Variants in TANC2 observed in about 807,000 individuals in gnomAD.
The protein encoded by TANC2 is protein TANC2.
TANC2 carries 26 observed loss-of-function variants against 210.5 expected under a neutral mutation model. The observed-to-expected ratio is 0.12, with a 90% CI of 0.09 to 0.17. The LOEUF is 0.17. Ranked by LOEUF, TANC2 falls within the 10% of genes least tolerant of loss-of-function variation. The pLI is 1.00. For synonymous variants in TANC2, 931 were observed against 967.1 expected, an observed-to-expected ratio of 0.96 and a Z score of 0.69; for missense variants, 2,129 against 2,608.9, an observed-to-expected ratio of 0.82 and a Z score of 4.01.
intron 1 of TANC2, among the ~76,000 whole-genome samples, chr17:63,001,954 T>G (rs1461615924): frequency 6.6e-6 from 1 of 152,234 alleles, no homozygotes. Flanking sequence ...GTATCAAGTA[T>G]TATTTTCCAT....
At chr17:63,355,068 C>G in exon 14 of TANC2, 1 of 1,613,898 alleles carries the variant, frequency 6.2e-7, no homozygotes. Flanking sequence ...CAAAGTAGTT[C>G]CTGTTTCGCT....
At chr17:63,203,503 T>A (rs974128829) in intron 7 of TANC2, among the ~76,000 whole-genome samples, 2 of 152,224 alleles carry the variant, frequency 1.3e-5, no homozygotes, top group Admixed American at 1.3e-4. Flanking sequence ...ATTATAGACC[T>A]GTGTCATCTG....
intron 18 of TANC2, chr17:63,396,201 G>A (rs1183109030): frequency 8.0e-6 from 3 of 372,684 alleles, no homozygotes; most frequent in Non-Finnish European, 1.5e-5. Flanking sequence ...ACAGACAGTG[G>A]CACCAAGGCT....
rs140646339 is a variant in TANC2 at position 63,289,125 on chromosome 17, C to T, written c.1159+21252C>T. Among the ~76,000 whole-genome samples, 449 of 152,168 alleles carry T rather than the reference C, an allele frequency of 3.0e-3. 3 individuals carry two copies. Among genetic ancestry groups the T allele is most frequent in the African/African-American group, 9.8e-3 (406 of 41,526 alleles). On this transcript the variant is annotated intron_variant, in intron 9 of 27. Coordinates refer to ENST00000689528, the Ensembl canonical transcript of TANC2. ...GCTTCTTTCATGATTTGTTCTTTAT[C>T]GTAGTTTCAAAATGATACGCCTAAG...
chr17:63,024,263 A>G (rs559568975), intron 2 of TANC2, among the ~76,000 whole-genome samples: 1 of 152,336 alleles, frequency 6.6e-6, no homozygotes, highest in East Asian at 1.9e-4. Context: ...TCCTTAGAGC[A>G]GCCCTGAGGG....
intron 17 of TANC2, 147 bp from the exon 18 acceptor site, chr17:63,395,594 CAG>C (rs2048129118): frequency 1.7e-5 from 11 of 649,506 alleles, no homozygotes; most frequent in Middle Eastern, 4.3e-4. Flanking sequence ...CTAGGCTGAG[CAG>C]AGTCTCCTGA....
intron 3 of TANC2, among the ~76,000 whole-genome samples, chr17:63,092,237 A>G (rs919980985): frequency 5.3e-5 from 8 of 151,938 alleles, no homozygotes; most frequent in Non-Finnish European, 8.8e-5. Flanking sequence ...CTTTTGGGTA[A>G]ATTCCTAGGA....
chr17:63,376,171 C>T (rs1389798409), intron 14 of TANC2, among the ~76,000 whole-genome samples: 1 of 151,282 alleles, frequency 6.6e-6, no homozygotes, highest in African/African-American at 2.4e-5. Context: ...CGGTGGCTCA[C>T]ACCTGTAATC....
intron 2 of TANC2, among the ~76,000 whole-genome samples, chr17:63,023,719 C>A (rs1395326157): frequency 6.6e-6 from 1 of 152,098 alleles, no homozygotes; most frequent in Non-Finnish European, 1.5e-5. Context: ...TGAGTTTGTG[C>A]TGAAATGAAA....
chr17:63,259,654 T>C (rs1180905921), intron 8 of TANC2, among the ~76,000 whole-genome samples: 1 of 152,202 alleles, frequency 6.6e-6, no homozygotes, highest in Non-Finnish European at 1.5e-5. Flanking sequence ...CATTTTAATG[T>C]GAGCCATTTT....
chr17:63,405,352 G>A, intron 20 of TANC2, 97 bp downstream of exon 20: 1 of 1,383,062 alleles, frequency 7.2e-7, no homozygotes, highest in Non-Finnish European at 9.6e-7. Context: ...TAAAGTTTGG[G>A]TTACCCAGCA....
chr17:63,421,253 C>T lies in TANC2; in HGVS notation c.5523C>T (p.Val1841=). 6.2e-7 allele frequency: 1 copy of T among 1,614,036 alleles called. No homozygotes were observed. The highest frequency in any genetic ancestry group is 8.5e-7 in the Non-Finnish European group (1 of 1,179,906). The stretch of plus-strand genomic sequence containing the variant: ...ATTTAATCAGAAGACCTATCAGTGT[C>T]AACCCTAACGAAATCAAACCGCACC... The change falls in exon 28 of 28, where the codon GTC becomes GTT. Residue 1841 remains valine (V), a synonymous_variant. Coordinates refer to ENST00000689528, the Ensembl canonical transcript of TANC2. The surrounding 1 kb of genome is among the most constrained non-coding windows in gnomAD (Gnocchi z 6.9).
chr17:63,389,335 G>A (rs1180504890), exon 17 of TANC2: 1 of 1,612,608 alleles, frequency 6.2e-7, no homozygotes, highest in South Asian at 1.1e-5. Flanking sequence ...TTTGGGAGGT[G>A]CCAATATTAA....
chr17:63,427,632 T>C (rs1213270840), exon 28 of TANC2: 2 of 152,258 alleles, frequency 1.3e-5, no homozygotes, highest in African/African-American at 2.4e-5. Context: ...TGTATACAGA[T>C]TGTCATCTGT....
At chr17:63,389,682 C>A in intron 17 of TANC2, 138 bp downstream of exon 17, 2 of 869,286 alleles carry the variant, frequency 2.3e-6, no homozygotes, top group Non-Finnish European at 1.8e-6. Flanking sequence ...AGAGAGAGTG[C>A]TGGTTCTGCA....
intron 14 of TANC2, among the ~76,000 whole-genome samples, chr17:63,365,145 A>G (rs2047072667): frequency 1.3e-5 from 2 of 152,214 alleles, no homozygotes; most frequent in South Asian, 4.1e-4. Context: ...AGGAGGAGCT[A>G]TTGCCAGTGT....
At chr17:63,293,725 G>A (rs1234832971) in intron 9 of TANC2, among the ~76,000 whole-genome samples, 3 of 151,982 alleles carry the variant, frequency 2.0e-5, no homozygotes, top group Admixed American at 2.0e-4. Context: ...CTTAGTTGAA[G>A]AAAGGTAAGG....
At chr17:63,198,545 C>A (rs768502750) in intron 6 of TANC2, among the ~76,000 whole-genome samples, 4 of 152,098 alleles carry the variant, frequency 2.6e-5, no homozygotes, top group Non-Finnish European at 5.9e-5. Flanking sequence ...ATGTAAAAGA[C>A]CTGAGTACAG....
At chr17:63,294,555 GT>G (rs1389049696) in intron 9 of TANC2, among the ~76,000 whole-genome samples, 1 of 151,854 alleles carries the variant, frequency 6.6e-6, no homozygotes, top group Non-Finnish European at 1.5e-5. Flanking sequence ...TCCTTTTTAT[GT>G]TTTTCCCCAT....
Sources: allele counts gnomAD v4.1 joint callset (sites outside exome capture counted in the v4.1 genomes callset), GRCh38; gene constraint gnomAD v4.1.1; non-coding constraint Gnocchi (gnomAD v3.1); transcripts MANE v1.5; gene names NCBI Gene and HGNC (gene_info 2026-07-23, HGNC 2026-07-21).